The following CDH23 variants were observed in gnomAD, a reference collection of about 807,000 sequenced individuals.
CDH23 encodes cadherin-23.
Under a neutral mutation model 317.1 loss-of-function variants are expected in CDH23, and 189 were observed. The ratio of observed to expected loss-of-function variants is 0.60; its 90% confidence interval spans 0.53 to 0.67. The LOEUF is 0.67. Ranked by LOEUF, CDH23 falls within the 30% of genes least tolerant of loss-of-function variation. CDH23 has a pLI of 0.00. For synonymous variants in CDH23, 1,839 were observed against 1,876.8 expected (o/e 0.98, Z 0.52); for missense variants, 4,401 against 4,592.4 (o/e 0.96, Z 1.20).
intron 28 of CDH23, among the ~76,000 whole-genome samples, chr10:71,723,511 G>A (rs1255054655): frequency 2.0e-5 from 3 of 152,228 alleles, no homozygotes; most frequent in Admixed American, 6.5e-5. Context: ...GTGATGGTGC[G>A]TGTGAATGAG....
intron 2 of CDH23, among the ~76,000 whole-genome samples, chr10:71,442,734 C>T (rs530138779): frequency 9.7e-4 from 147 of 152,204 alleles, no homozygotes; most frequent in Non-Finnish European, 2.8e-4. Flanking sequence ...CTGGGTCACT[C>T]CTTCTGTCCC....
chr10:71,730,545 G>A lies in CDH23; in HGVS notation c.3656G>A (p.Arg1219Gln), dbSNP rs756114730. The A allele has an allele frequency of 1.7e-5, 27 of 1,613,828 alleles. No individual in the cohort carries two copies. Among genetic ancestry groups the A allele is most frequent in the Middle Eastern group, 3.3e-4 (2 of 6,072 alleles). The change falls in exon 31 of 70, where the codon CGA becomes CAA. Residue 1219 changes from arginine to glutamine, a missense_variant. Arg to Gln is a conservative substitution (Grantham distance 43). Around this residue, in one of 3 missense-constraint regions of CDH23, gnomAD observed 3,068 missense variants for 3,203.3 expected, o/e 0.96. Coordinates refer to ENST00000224721, the MANE Select transcript of CDH23 (RefSeq NM_022124.6). ...TQQQYSRLGL[R>Q]ETAGIGTSVI... ...CAGCAGTACAGCCGTCTGGGGCTTC[G>A]AGAGACCGCAGGCATTGGAACGTCA...
At chr10:71,459,036 C>T (rs888313044) in intron 3 of CDH23, among the ~76,000 whole-genome samples, 5 of 150,684 alleles carry the variant, frequency 3.3e-5, no homozygotes, top group Admixed American at 6.6e-5. Context: ...CCAGCCCGCC[C>T]TGGCCTCCCA....
At chr10:71,531,769 G>T (rs779256459) in intron 6 of CDH23, among the ~76,000 whole-genome samples, 3 of 152,114 alleles carry the variant, frequency 2.0e-5, no homozygotes, top group African/African-American at 4.8e-5. Context: ...TGACATTTTT[G>T]ACTCCTACAC....
intron 3 of CDH23, among the ~76,000 whole-genome samples, chr10:71,503,987 A>G (rs1014428224): frequency 6.6e-6 from 1 of 152,038 alleles, no homozygotes; most frequent in Admixed American, 6.5e-5. Context: ...GATGGATGTC[A>G]TCTTGGACCA....
intron 7 of CDH23, among the ~76,000 whole-genome samples, chr10:71,569,648 CA>C (rs2132370658): frequency 6.6e-6 from 1 of 152,346 alleles, no homozygotes; most frequent in South Asian, 2.1e-4. Context: ...GTTCTGGCTA[CA>C]CACTTAGAAG....
At position 71,642,095 on chromosome 10, in the gene CDH23, A is replaced by AAAT. The variant is rs71018218; in HGVS notation, c.1135-1746_1135-1744dup. Reference sequence around the variant, plus strand: ...TGGGCAACAGAGCAAGCTTCCATCTAAATAATAATAATAATAATAATACCT... The same window carrying AAAT: ...TGGGCAACAGAGCAAGCTTCCATCTAAATAATAATAATAATAATAATAATACCT... On this transcript the variant is annotated intron_variant, in intron 11 of 69. Transcript: ENST00000224721. Among the ~76,000 whole-genome samples, 1,186 of 150,598 alleles carry AAAT rather than the reference A, an allele frequency of 7.9e-3. 13 individuals carry two copies. The highest frequency in any genetic ancestry group is 0.026 in the African/African-American group (1,080 of 41,046).
At chr10:71,803,632 G>A (rs1841622724) in intron 55 of CDH23, among the ~76,000 whole-genome samples, 2 of 152,012 alleles carry the variant, frequency 1.3e-5, no homozygotes, top group Admixed American at 6.5e-5. Flanking sequence ...TGCCACACAG[G>A]GCAGTATTGA....
At chr10:71,436,840 G>A (rs1037855680) in intron 1 of CDH23, among the ~76,000 whole-genome samples, 2 of 152,164 alleles carry the variant, frequency 1.3e-5, no homozygotes, top group African/African-American at 4.8e-5. Context: ...GAGGGCTGGA[G>A]TTTTTTCTGT....
At position 71,617,408 on chromosome 10, in the gene CDH23, A is replaced by T; in HGVS notation, c.1134+15A>T. On this transcript the variant is annotated intron_variant, in intron 11 of 69. Transcript: ENST00000224721. ...ACAAGGATGAGGTGAGTCCCTGGAC[A>T]CATGGCCCATGCAGACCCACCACCC... is the stretch of plus-strand genomic sequence containing the variant. 6.2e-7 allele frequency: 1 copy of T among 1,611,850 alleles called. No homozygotes were observed.
intron 38 of CDH23, among the ~76,000 whole-genome samples, chr10:71,766,363 G>A (rs1256161668): frequency 6.6e-6 from 1 of 151,958 alleles, no homozygotes; most frequent in Non-Finnish European, 1.5e-5. Flanking sequence ...CCCCCCGCCC[G>A]CCACCCGCCA....
chr10:71,422,904 G>A (rs1354942396), intron 1 of CDH23, among the ~76,000 whole-genome samples: 1 of 152,180 alleles, frequency 6.6e-6, no homozygotes, highest in Non-Finnish European at 1.5e-5. Flanking sequence ...CAACTTCACT[G>A]GGGGAGGGCA....
At chr10:71,741,554 T>C in intron 37 of CDH23, 140 bp from the exon 38 acceptor site, 1 of 683,738 alleles carries the variant, frequency 1.5e-6, no homozygotes, top group Non-Finnish European at 2.6e-6. Flanking sequence ...ATCATCCTTA[T>C]TATCTCCATC....
rs549654137 is a variant in CDH23, at chr10:71,530,352, C to T, written c.429+19140C>T. Among the ~76,000 whole-genome samples, 517 of 152,294 alleles carry T rather than the reference C, an allele frequency of 3.4e-3. 5 individuals carry two copies. Among genetic ancestry groups the T allele is most frequent in the African/African-American group, 0.012 (494 of 41,574 alleles). Reference sequence around the variant, plus strand: ...AGCTCAGGCCTTCCTCTCACCCTGCCGGTGCCCACAGTGGGGCCTCTCAGC... The same window carrying T: ...AGCTCAGGCCTTCCTCTCACCCTGCTGGTGCCCACAGTGGGGCCTCTCAGC... On this transcript the variant is annotated intron_variant, in intron 6 of 69. Transcript: ENST00000224721.
intron 18 of CDH23, among the ~76,000 whole-genome samples, chr10:71,683,811 C>A (rs1435443133): frequency 6.6e-6 from 1 of 152,066 alleles, no homozygotes. Flanking sequence ...TAAAACTGAC[C>A]TGGGCTGGGC....
At chr10:71,400,392 G>T (rs892732503) in intron 1 of CDH23, among the ~76,000 whole-genome samples, 6 of 151,376 alleles carry the variant, frequency 4.0e-5, no homozygotes, top group Admixed American at 6.6e-5. Context: ...GGGCAGCTCT[G>T]CCAGGGGACA....
At chr10:71,421,010 C>T (rs10823743) in intron 1 of CDH23, among the ~76,000 whole-genome samples, 52,139 of 152,078 alleles carry the variant, frequency 0.34, 9,626 homozygotes, top group African/African-American at 0.48. Flanking sequence ...TTGTTCCTTT[C>T]CCCCCAACCC....
chr10:71,617,254 C>T lies in CDH23; in HGVS notation c.995C>T (p.Thr332Met), dbSNP rs376301184. The T allele has an allele frequency of 7.4e-6, 12 of 1,613,852 alleles. No homozygotes were observed. Among genetic ancestry groups the T allele is most frequent in the Middle Eastern group, 1.6e-4 (1 of 6,084 alleles). ...ACCCCATCTGACGCTACAGTCACCA[C>T]GACCTTCAATATCCTGGTTATTGAC... ...DRTPSDATVT[T>M]TFNILVIDIN... Residue 332 changes from threonine to methionine, a missense_variant, in exon 11 of 70, where the codon ACG becomes ATG. Around this residue, in one of 3 missense-constraint regions of CDH23, gnomAD observed 3,068 missense variants for 3,203.3 expected, o/e 0.96. Coordinates refer to ENST00000224721, the MANE Select transcript of CDH23 (RefSeq NM_022124.6).
intron 3 of CDH23, among the ~76,000 whole-genome samples, chr10:71,488,353 G>T (rs1420307619): frequency 6.6e-6 from 1 of 152,226 alleles, no homozygotes; most frequent in African/African-American, 2.4e-5. Context: ...TAGAGAAAAA[G>T]ATGGGAATCT....
Sources: gnomAD v4.1 joint callset for allele counts (sites outside exome capture counted in the v4.1 genomes callset) on GRCh38, gnomAD v4.1.1 for gene constraint, gnomAD v4.1.1 regional missense constraint, MANE v1.5 for transcripts, NCBI Gene and HGNC (gene_info 2026-07-23, HGNC 2026-07-21) for gene names.